NRXN1: variants seen among roughly 807,000 people sequenced by gnomAD.
NRXN1 encodes neurexin 1.
Under a neutral mutation model 150.9 loss-of-function variants are expected in NRXN1, and 39 were observed. The observed-to-expected ratio is 0.26, with a 90% CI of 0.20 to 0.34. The LOEUF (loss-of-function observed/expected upper bound fraction) is 0.34. NRXN1 is among the 10% of genes least tolerant of loss of function. The pLI, the probability that NRXN1 is intolerant of heterozygous loss-of-function variation, is 1.00. For missense variants in NRXN1, 1,815 were observed against 1,949.9 expected (o/e 0.93, Z 1.30); for synonymous variants, 924 against 757.0 (o/e 1.22, Z -3.62).
At chr2:49,948,793 G>C (rs950145621) in intron 21 of NRXN1, among the ~76,000 whole-genome samples, 7 of 151,848 alleles carry the variant, frequency 4.6e-5, no homozygotes, top group African/African-American at 1.7e-4. Context: ...ACTTTTCCCT[G>C]ATGTTTATAA....
chr2:50,634,132 CTT>C (rs1682851406), intron 5 of NRXN1, among the ~76,000 whole-genome samples: 1 of 152,140 alleles, frequency 6.6e-6, no homozygotes, highest in South Asian at 2.1e-4. Context: ...TGGGCAAACT[CTT>C]TGATTTTATT....
At chr2:51,031,685 T>C (rs1575293784) in intron 1 of NRXN1, among the ~76,000 whole-genome samples, 1 of 152,112 alleles carries the variant, frequency 6.6e-6, no homozygotes, top group Non-Finnish European at 1.5e-5. Flanking sequence ...GAAGGAAATA[T>C]ATGGAGAGAT....
chr2:50,683,646 A>AAAAAAAAAAAAAAAAAATATAT lies in NRXN1; in HGVS notation c.833-60032_833-60031insATATATTTTTTTTTTTTTTTTT. Among the ~76,000 whole-genome samples the AAAAAAAAAAAAAAAAAATATAT allele has an allele frequency of 2.1e-3, 31 of 14,874 alleles. 1 individual carries two copies. The highest frequency in any genetic ancestry group is 3.6e-3 in the African/African-American group (10 of 2,774). 9.8% of individuals were successfully genotyped at this position (14,874 alleles called of 152,430 possible). A position where few individuals can be genotyped will look rare whatever the true frequency, so the allele number is the denominator to read the frequency against. On this transcript the variant is annotated intron_variant, in intron 5 of 22. Transcript: ENST00000401669. ...GACTCCGTCTCAAAAAAAAAAAAAA[A>AAAAAAAAAAAAAAAAAATATAT]ATATATATATATATATATATGTTAT...
At chr2:50,499,297 C>T (rs2091817566) in intron 13 of NRXN1, among the ~76,000 whole-genome samples, 1 of 152,152 alleles carries the variant, frequency 6.6e-6, no homozygotes, top group Non-Finnish European at 1.5e-5. Flanking sequence ...TCTACTCATC[C>T]TTGGCATGTT....
At position 50,620,993 on chromosome 2, in the gene NRXN1, G is replaced by A. The variant is rs1679911623; in HGVS notation, c.1158+233C>T. On this transcript the variant is annotated intron_variant, in intron 7 of 22. Transcript: ENST00000401669. Reference sequence around the variant, plus strand: ...CAGCTGGATGCAAAACGTTCGAAACGTTAACGATGCCCCTACAGGTGAGTT... The same window carrying A: ...CAGCTGGATGCAAAACGTTCGAAACATTAACGATGCCCCTACAGGTGAGTT... The A allele has an allele frequency of 8.8e-6, 4 of 456,328 alleles. No individual in the cohort carries two copies. The South Asian group carries it at 1.8e-4, about 20-fold the overall frequency. The allele number at this position is 456,328 out of a possible 1,614,324, so 28.3% of individuals were successfully genotyped here.
chr2:50,529,720 T>C (rs985386520), intron 11 of NRXN1, among the ~76,000 whole-genome samples: 1 of 152,222 alleles, frequency 6.6e-6, no homozygotes, highest in Non-Finnish European at 1.5e-5. Flanking sequence ...AAAATTCTCA[T>C]GAGTGTTTCC....
chr2:50,498,192 T>C (rs2091753198), intron 13 of NRXN1, among the ~76,000 whole-genome samples: 1 of 152,116 alleles, frequency 6.6e-6, no homozygotes, highest in African/African-American at 2.4e-5. Flanking sequence ...TGTGACTATA[T>C]ATTTTCCTAT....
At chr2:50,736,021 T>G (rs79551111) in intron 5 of NRXN1, among the ~76,000 whole-genome samples, 6,634 of 152,238 alleles carry the variant, frequency 0.044, 169 homozygotes, top group Admixed American at 0.073. Flanking sequence ...AGTTTCCCTT[T>G]GCAATTTTAA....
intron 18 of NRXN1, among the ~76,000 whole-genome samples, chr2:50,124,150 T>C (rs1375173054): frequency 6.6e-6 from 1 of 152,024 alleles, no homozygotes; most frequent in Non-Finnish European, 1.5e-5. Context: ...GCTCTAGAAG[T>C]CAAGTGAACA....
chr2:50,579,994 C>T (rs1276812370), intron 8 of NRXN1, among the ~76,000 whole-genome samples: 4 of 152,132 alleles, frequency 2.6e-5, no homozygotes, highest in African/African-American at 7.2e-5. Flanking sequence ...TATTTATTTG[C>T]TTTATTTCCC....
intron 18 of NRXN1, among the ~76,000 whole-genome samples, chr2:50,144,684 AG>A (rs1325926807): frequency 6.6e-6 from 1 of 151,864 alleles, no homozygotes; most frequent in African/African-American, 2.4e-5. Flanking sequence ...ATCATTAAAC[AG>A]GGCCAATAAA....
At chr2:50,236,638 T>C in intron 18 of NRXN1, 151 bp downstream of exon 18, 1 of 730,174 alleles carries the variant, frequency 1.4e-6, no homozygotes, top group Admixed American at 2.2e-5. Context: ...AATAGGTATA[T>C]GGTCTTATTT....
intron 17 of NRXN1, among the ~76,000 whole-genome samples, chr2:50,440,903 T>C (rs970733508): frequency 3.9e-5 from 6 of 152,214 alleles, no homozygotes; most frequent in African/African-American, 1.4e-4. Context: ...CCATCCATTG[T>C]GACACAGGTG....
intron 5 of NRXN1, among the ~76,000 whole-genome samples, chr2:50,910,480 T>C (rs1684366029): frequency 6.6e-6 from 1 of 151,920 alleles, no homozygotes; most frequent in African/African-American, 2.4e-5. Context: ...ACATCATGAA[T>C]CTAGGGTCTA....
intron 17 of NRXN1, among the ~76,000 whole-genome samples, chr2:50,366,086 C>T (rs12477948): frequency 0.42 from 62,173 of 149,620 alleles, 13,054 homozygotes; most frequent in East Asian, 0.56. Context: ...AATCCAATAG[C>T]AGATAATAAG....
chr2:49,989,274 T>C (rs1342910237), intron 21 of NRXN1, among the ~76,000 whole-genome samples: 1 of 152,188 alleles, frequency 6.6e-6, no homozygotes, highest in Admixed American at 6.5e-5. Flanking sequence ...AATCACTGTT[T>C]TATAGCTTAT....
chr2:50,994,229 G>C (rs1013082380), intron 2 of NRXN1, among the ~76,000 whole-genome samples: 2 of 151,766 alleles, frequency 1.3e-5, no homozygotes, highest in Non-Finnish European at 2.9e-5. Flanking sequence ...TAAGTACTAA[G>C]TTTCATTAAT....
At chr2:50,500,279 G>A (rs2091879362) in intron 13 of NRXN1, among the ~76,000 whole-genome samples, 1 of 151,932 alleles carries the variant, frequency 6.6e-6, no homozygotes, top group African/African-American at 2.4e-5. Context: ...AATAGAATAT[G>A]CACACAGAGC....
At chr2:50,821,652 C>T (rs1669748892) in intron 5 of NRXN1, among the ~76,000 whole-genome samples, 1 of 151,978 alleles carries the variant, frequency 6.6e-6, no homozygotes, top group Non-Finnish European at 1.5e-5. Flanking sequence ...GGGTTACATG[C>T]TGATAAAATG....
Sources: allele counts gnomAD v4.1 joint callset (sites outside exome capture counted in the v4.1 genomes callset), GRCh38; gene constraint gnomAD v4.1.1; transcripts MANE v1.5; gene names NCBI Gene and HGNC (gene_info 2026-07-23, HGNC 2026-07-21).